Variants in HEATR3 observed in about 807,000 individuals in gnomAD.
HEATR3 encodes the protein HEAT repeat containing 3.
A neutral mutation model predicts 72.8 loss-of-function variants in HEATR3; 56 were observed. The observed-to-expected ratio is 0.77, with a 90% CI of 0.62 to 0.96. The LOEUF is 0.96. Among genes scored for constraint, HEATR3 ranks in the 40% least tolerant of loss-of-function variants. The pLI is 0.00. For missense variants in HEATR3, 747 were observed against 831.4 expected (o/e 0.90, Z 1.25); for synonymous variants, 331 against 318.1 (o/e 1.04, Z -0.43).
chr16:50,090,559 G>A (rs1362752440), intron 11 of HEATR3, among the ~76,000 whole-genome samples: 1 of 152,136 alleles, frequency 6.6e-6, no homozygotes, highest in African/African-American at 2.4e-5. Flanking sequence ...TGATATCAGA[G>A]ATAAAAGGAG....
At chr16:50,100,145 G>A (rs2037334230) in intron 12 of HEATR3, 85 bp from the exon 13 acceptor site, 3 of 1,323,932 alleles carry the variant, frequency 2.3e-6, no homozygotes, top group South Asian at 1.3e-5. Flanking sequence ...GCCTATAGAG[G>A]AGATTCCTGT....
chr16:50,083,823 T>C, intron 7 of HEATR3, 114 bp from the exon 8 acceptor site: 1 of 799,082 alleles, frequency 1.3e-6, no homozygotes, highest in Non-Finnish European at 2.0e-6. Context: ...CCATTCCCCG[T>C]GTGCTCTATT....
chr16:50,086,883 T>G (rs925370992), intron 11 of HEATR3, among the ~76,000 whole-genome samples: 10 of 152,158 alleles, frequency 6.6e-5, no homozygotes, highest in Admixed American at 2.6e-4. Context: ...GATCTGAGGT[T>G]GTGCCATTGC....
At chr16:50,080,873 T>G (rs1385120498) in intron 7 of HEATR3, among the ~76,000 whole-genome samples, 1 of 152,136 alleles carries the variant, frequency 6.6e-6, no homozygotes, top group Non-Finnish European at 1.5e-5. Flanking sequence ...GTTGATCCTA[T>G]CTGATATACT....
At chr16:50,097,888 GGTGACAAGAGT>G (rs748705125) in intron 12 of HEATR3, among the ~76,000 whole-genome samples, 2 of 150,724 alleles carry the variant, frequency 1.3e-5, no homozygotes, top group African/African-American at 2.4e-5. Flanking sequence ...CTCCAGCCTG[GGTGACAAGAGT>G]GTGACAAGAG....
chr16:50,090,832 C>A (rs2150617153), intron 11 of HEATR3, among the ~76,000 whole-genome samples: 1 of 152,164 alleles, frequency 6.6e-6, no homozygotes, highest in East Asian at 1.9e-4. Flanking sequence ...TTTTCCATTC[C>A]ATATCGGAAT....
chr16:50,097,027 A>T (rs1271889373), intron 12 of HEATR3, among the ~76,000 whole-genome samples: 1 of 152,162 alleles, frequency 6.6e-6, no homozygotes, highest in Non-Finnish European at 1.5e-5. Context: ...GTGAGCCGGG[A>T]GCTAGGTCTA....
chr16:50,078,985 C>G lies in HEATR3; in HGVS notation c.1008C>G (p.Val336=). 1 of 1,613,166 alleles carries G rather than the reference C, an allele frequency of 6.2e-7. No homozygotes were observed. ...AAGGAATTTCTCATAAAAGAAGAGT[C>G]AGAAGGAAAACTTTCGTTTCAGATT... ...EMEGISHKRR[V]RRKTFVSDLL... The change falls in exon 7 of 15, where the codon GTC becomes GTG. Residue 336 remains valine (V), a synonymous_variant. Transcript: ENST00000299192.
chr16:50,086,382 A>G, intron 11 of HEATR3, 31 bp downstream of exon 11: 1 of 1,585,244 alleles, frequency 6.3e-7, no homozygotes, highest in Non-Finnish European at 8.6e-7. Context: ...AAGACTACGC[A>G]GACGGAACAG....
At chr16:50,067,529 G>A (rs2036525135) in intron 2 of HEATR3, among the ~76,000 whole-genome samples, 1 of 152,120 alleles carries the variant, frequency 6.6e-6, no homozygotes, top group African/African-American at 2.4e-5. Context: ...GGGTAGGTAG[G>A]TGGCTGAGAA....
chr16:50,100,267 C>G lies in HEATR3; in HGVS notation c.1637C>G (p.Ala546Gly). The change falls in exon 13 of 15, where the codon GCA becomes GGA. Residue 546 changes from alanine (A) to glycine (G), a missense_variant. Ala to Gly is a moderately conservative substitution (Grantham distance 60). Coordinates refer to ENST00000299192, the MANE Select transcript of HEATR3 (RefSeq NM_182922.4). ...GATCAGCTGATGACATTATGCAAAG[C>G]AGGCATTCATAGTAGTAATGTCGGG... ...TPDQLMTLCK[A>G]GIHSSNVGVR... 1 of 1,613,918 alleles carries G rather than the reference C, an allele frequency of 6.2e-7. No homozygotes were observed. Among genetic ancestry groups the G allele is most frequent in the Non-Finnish European group, 8.5e-7 (1 of 1,179,868 alleles).
intron 11 of HEATR3, among the ~76,000 whole-genome samples, chr16:50,093,968 G>T (rs1286243286): frequency 1.3e-5 from 2 of 152,230 alleles, no homozygotes; most frequent in Non-Finnish European, 2.9e-5. Context: ...TTTATGGGAA[G>T]TGGCAAGGTT....
At chr16:50,076,412 T>C (rs1443979342) in intron 6 of HEATR3, among the ~76,000 whole-genome samples, 1 of 152,128 alleles carries the variant, frequency 6.6e-6, no homozygotes, top group Non-Finnish European at 1.5e-5. Context: ...GGTCTTGAGC[T>C]CGGGACCTCA....
chr16:50,077,056 A>G (rs1347328423), intron 6 of HEATR3, among the ~76,000 whole-genome samples: 3 of 150,636 alleles, frequency 2.0e-5, no homozygotes, highest in Admixed American at 6.6e-5. Context: ...TTTTTTTTTT[A>G]GTAAAGACGG....
chr16:50,076,669 C>CA (rs1415585544), intron 6 of HEATR3, among the ~76,000 whole-genome samples: 1 of 151,814 alleles, frequency 6.6e-6, no homozygotes, highest in African/African-American at 2.4e-5. Context: ...TCCCAAGTAG[C>CA]TGGGACTACA....
rs552560086 is a variant in HEATR3 at position 50,065,987 on chromosome 16, C to T, written c.-145C>T. ...GACCCGGCAGACGACGCGCCGTGCG[C>T]CTGCGCACGGCTTGCCCATGTGTGC... On this transcript the variant is annotated 5_prime_UTR_variant, in exon 1 of 15. Transcript: ENST00000299192. 1.0e-5 allele frequency: 4 copies of T among 401,238 alleles called. No individual in the cohort carries two copies. In the South Asian group the frequency reaches 1.3e-4, roughly 13 times the overall value. The allele number at this position is 401,238 out of a possible 1,614,324, so 24.9% of individuals were successfully genotyped here.
chr16:50,084,763 G>C (rs1444314298), intron 10 of HEATR3, 112 bp downstream of exon 10: 1 of 716,450 alleles, frequency 1.4e-6, no homozygotes, highest in Non-Finnish European at 2.3e-6. Context: ...TTTGTTCCTG[G>C]GTATATATAC....
intron 4 of HEATR3, 53 bp from the exon 5 acceptor site, chr16:50,072,552 T>A: frequency 8.7e-7 from 1 of 1,155,652 alleles, no homozygotes; most frequent in Admixed American, 1.8e-5. Flanking sequence ...TATGGTTGAT[T>A]TCCTACTGTT....
At chr16:50,077,420 G>T (rs997816219) in intron 6 of HEATR3, among the ~76,000 whole-genome samples, 1 of 152,110 alleles carries the variant, frequency 6.6e-6, no homozygotes, top group Non-Finnish European at 1.5e-5. Flanking sequence ...CTCCCAAAGT[G>T]CTGGAATTAC....
Sources: gnomAD v4.1 joint callset for allele counts (sites outside exome capture counted in the v4.1 genomes callset) on GRCh38, gnomAD v4.1.1 for gene constraint, MANE v1.5 for transcripts, NCBI Gene and HGNC (gene_info 2026-07-23, HGNC 2026-07-21) for gene names.